The following LRMDA variants were observed in gnomAD, a reference collection of about 807,000 sequenced individuals.
LRMDA encodes leucine rich melanocyte differentiation associated.
Under a neutral mutation model 29.8 loss-of-function variants are expected in LRMDA, and 18 were observed. The observed-to-expected ratio is 0.60, with a 90% CI of 0.42 to 0.90. The LOEUF (loss-of-function observed/expected upper bound fraction) is 0.90. Ranked by LOEUF, LRMDA falls within the 40% of genes least tolerant of loss-of-function variation. The pLI is 0.00. For synonymous variants in LRMDA, 125 were observed against 109.4 expected (o/e 1.14, Z -0.89); for missense variants, 273 against 273.9 (o/e 1.00, Z 0.02).
chr10:76,490,434 A>G (rs1044359060), intron 6 of LRMDA, among the ~76,000 whole-genome samples: 1 of 151,636 alleles, frequency 6.6e-6, no homozygotes, highest in African/African-American at 2.4e-5. Context: ...TTTAGCTCTA[A>G]TATTTGCTTC....
At chr10:76,061,714 G>A (rs1848703488) in intron 5 of LRMDA, among the ~76,000 whole-genome samples, 1 of 152,088 alleles carries the variant, frequency 6.6e-6, no homozygotes, top group African/African-American at 2.4e-5. Flanking sequence ...AGGCTCCATG[G>A]AATTGGGACC....
intron 2 of LRMDA, among the ~76,000 whole-genome samples, chr10:75,976,557 C>T (rs1409650434): frequency 1.3e-5 from 2 of 152,204 alleles, no homozygotes; most frequent in African/African-American, 4.8e-5. Context: ...CAATCCTATG[C>T]CCCCTGCACC....
intron 5 of LRMDA, among the ~76,000 whole-genome samples, chr10:76,230,862 A>G (rs562962979): frequency 3.9e-5 from 6 of 152,340 alleles, no homozygotes; most frequent in African/African-American, 1.4e-4. Flanking sequence ...TGGAGTATCT[A>G]AATTGAATAA....
chr10:76,242,454 A>G (rs1382715668), intron 5 of LRMDA, among the ~76,000 whole-genome samples: 3 of 152,190 alleles, frequency 2.0e-5, no homozygotes, highest in Non-Finnish European at 4.4e-5. Flanking sequence ...TCTGGGTAGA[A>G]TCCTCTCTTG....
chr10:75,856,041 A>G (rs1240171196), intron 2 of LRMDA, among the ~76,000 whole-genome samples: 4 of 152,142 alleles, frequency 2.6e-5, no homozygotes, highest in Admixed American at 2.6e-4. Context: ...TTGACTTGGC[A>G]ATGCAGGCTC....
intron 6 of LRMDA, among the ~76,000 whole-genome samples, chr10:76,458,573 CTG>C (rs2132306194): frequency 6.6e-6 from 1 of 152,298 alleles, no homozygotes; most frequent in African/African-American, 2.4e-5. Flanking sequence ...AGCTTGAGCT[CTG>C]TCTCTTGGAT....
intron 2 of LRMDA, among the ~76,000 whole-genome samples, chr10:75,970,004 T>A (rs886276453): frequency 1.3e-5 from 2 of 152,142 alleles, no homozygotes; most frequent in African/African-American, 2.4e-5. Context: ...GAGATTCAGG[T>A]TGAAAGATAA....
chr10:75,781,152 C>T (rs1013222199), intron 2 of LRMDA, among the ~76,000 whole-genome samples: 67 of 150,234 alleles, frequency 4.5e-4, no homozygotes, highest in African/African-American at 1.5e-3. Flanking sequence ...CCTCATTGAC[C>T]TCCTCATTGG....
At chr10:76,435,996 C>A (rs557328902) in intron 6 of LRMDA, among the ~76,000 whole-genome samples, 2 of 152,202 alleles carry the variant, frequency 1.3e-5, no homozygotes, top group East Asian at 3.9e-4. Flanking sequence ...TGGTTATTTC[C>A]CCAGTTTTTA....
chr10:75,844,077 C>T (rs1844590781), intron 2 of LRMDA, among the ~76,000 whole-genome samples: 1 of 152,130 alleles, frequency 6.6e-6, no homozygotes, highest in Non-Finnish European at 1.5e-5. Flanking sequence ...GCATTACTCT[C>T]TTTGATGGGC....
chr10:76,186,723 C>G (rs1851157193), intron 5 of LRMDA, among the ~76,000 whole-genome samples: 1 of 152,194 alleles, frequency 6.6e-6, no homozygotes, highest in Non-Finnish European at 1.5e-5. Flanking sequence ...ATACTAAGCC[C>G]TGAAGACAGG....
At position 76,501,261 on chromosome 10, in the gene LRMDA, A is replaced by T. The variant is rs28591134; in HGVS notation, c.602-55948A>T. 3.8e-4 allele frequency among the ~76,000 whole-genome samples: 8 copies of T among 21,200 alleles called. 3 individuals are homozygous for T. The highest frequency in any genetic ancestry group is 2.8e-3 in the Non-Finnish European group (7 of 2,542). 13.9% of individuals were successfully genotyped at this position (21,200 alleles called of 152,430 possible). A position where few individuals can be genotyped will look rare whatever the true frequency, so the allele number is the denominator to read the frequency against. ...GGTGAACATATACCACAGTTTCCTT[A>T]TTCAGTCTACTACTGATGGGCACTT... On this transcript the variant is annotated intron_variant, in intron 6 of 6. Coordinates refer to ENST00000611255, the MANE Select transcript of LRMDA (RefSeq NM_001305581.2).
intron 2 of LRMDA, among the ~76,000 whole-genome samples, chr10:75,639,697 T>A (rs1447638296): frequency 6.6e-6 from 1 of 152,108 alleles, no homozygotes; most frequent in Admixed American, 6.5e-5. Context: ...CCCGGCTTGG[T>A]TTAACTTAGG....
Position 76,157,989 on chromosome 10 carries a change from AG to A in LRMDA, c.516+99207del, listed in dbSNP as rs1850571718. Among the ~76,000 whole-genome samples the A allele has an allele frequency of 2.0e-5, 3 of 150,882 alleles. No individual in the cohort carries two copies. The South Asian group carries it at 6.3e-4, about 32-fold the overall frequency. ...TATTTGTGTATCTAAACAAAAAAAA[AG>A]TTACAGTAAAATACGATATTATAAT... is the stretch of plus-strand genomic sequence containing the variant. On this transcript the variant is annotated intron_variant, in intron 5 of 6. Coordinates refer to ENST00000611255, the MANE Select transcript of LRMDA (RefSeq NM_001305581.2).
intron 6 of LRMDA, among the ~76,000 whole-genome samples, chr10:76,429,041 AAC>A (rs1191165482): frequency 4.7e-5 from 3 of 63,974 alleles, no homozygotes; most frequent in South Asian, 5.3e-4. Flanking sequence ...CACACACACA[AAC>A]ACACACACAC....
At chr10:76,194,756 T>C (rs1051556183) in intron 5 of LRMDA, among the ~76,000 whole-genome samples, 2 of 152,180 alleles carry the variant, frequency 1.3e-5, no homozygotes, top group African/African-American at 2.4e-5. Flanking sequence ...CAATATGTGC[T>C]TGATGATCCA....
At chr10:75,651,586 TAGG>T (rs1841600335) in intron 2 of LRMDA, among the ~76,000 whole-genome samples, 2 of 152,292 alleles carry the variant, frequency 1.3e-5, no homozygotes, top group East Asian at 1.9e-4. Flanking sequence ...TTAGGCGTAC[TAGG>T]AGGAGATTTT....
At chr10:76,081,773 A>G (rs111715076) in intron 5 of LRMDA, among the ~76,000 whole-genome samples, 1 of 152,232 alleles carries the variant, frequency 6.6e-6, no homozygotes, top group Non-Finnish European at 1.5e-5. Context: ...AAATGTGTGT[A>G]TGTACACACA....
intron 6 of LRMDA, among the ~76,000 whole-genome samples, chr10:76,362,862 G>A (rs374915180): frequency 7.9e-5 from 12 of 151,746 alleles, no homozygotes; most frequent in East Asian, 7.8e-4. Context: ...TCTTGCTACT[G>A]TTGTTGCTTT....
Sources: allele counts gnomAD v4.1 joint callset (sites outside exome capture counted in the v4.1 genomes callset), GRCh38; gene constraint gnomAD v4.1.1; transcripts MANE v1.5; gene names NCBI Gene and HGNC (gene_info 2026-07-23, HGNC 2026-07-21).